The following LSAMP variants were observed in gnomAD, a reference collection of about 807,000 sequenced individuals.
LSAMP encodes the protein limbic system-associated membrane protein.
LSAMP carries 7 observed loss-of-function variants against 38.6 expected under a neutral mutation model. The ratio of observed to expected loss-of-function variants is 0.18; its 90% confidence interval spans 0.10 to 0.34. The LOEUF (loss-of-function observed/expected upper bound fraction) is 0.34. LSAMP is among the 10% of genes least tolerant of loss of function. The pLI is 1.00. For synonymous variants in LSAMP, 154 were observed against 166.8 expected, an observed-to-expected ratio of 0.92 and a Z score of 0.59; for missense variants, 313 against 420.0, an observed-to-expected ratio of 0.75 and a Z score of 2.23.
At chr3:116,389,926 C>T (rs2048670760) in intron 1 of LSAMP, among the ~76,000 whole-genome samples, 1 of 151,824 alleles carries the variant, frequency 6.6e-6, no homozygotes, top group Admixed American at 6.6e-5. Context: ...ATGAGCACTC[C>T]CATAATTAAC....
intron 1 of LSAMP, among the ~76,000 whole-genome samples, chr3:116,336,181 A>G (rs745992532): frequency 1.3e-5 from 2 of 151,986 alleles, no homozygotes; most frequent in Non-Finnish European, 2.9e-5. Context: ...TAGGACAAAA[A>G]CTTCACAACA....
At chr3:116,033,041 A>G (rs765506261) in intron 2 of LSAMP, among the ~76,000 whole-genome samples, 1 of 152,166 alleles carries the variant, frequency 6.6e-6, no homozygotes, top group Non-Finnish European at 1.5e-5. Flanking sequence ...CTAAGATTAC[A>G]TGGTTAAGGA....
chr3:116,225,307 G>A (rs1391625095), intron 1 of LSAMP, among the ~76,000 whole-genome samples: 2 of 152,074 alleles, frequency 1.3e-5, no homozygotes, highest in African/African-American at 4.8e-5. Flanking sequence ...ATTTTAAACC[G>A]AGGTTGAGAT....
chr3:116,322,144 A>G (rs533062192), intron 1 of LSAMP, among the ~76,000 whole-genome samples: 4 of 152,312 alleles, frequency 2.6e-5, no homozygotes, highest in Non-Finnish European at 5.9e-5. Context: ...GGGTCAGGAG[A>G]ATACTTCCCT....
chr3:115,958,566 G>A (rs1938527679), intron 3 of LSAMP, among the ~76,000 whole-genome samples: 2 of 152,112 alleles, frequency 1.3e-5, no homozygotes, highest in African/African-American at 4.8e-5. Context: ...CTTGCCCGAA[G>A]GTCAGCCAGC....
intron 3 of LSAMP, among the ~76,000 whole-genome samples, chr3:115,910,859 G>C (rs6810185): frequency 0.02 from 2,983 of 152,244 alleles, 95 homozygotes; most frequent in African/African-American, 0.069. Context: ...CCAGGTTGCT[G>C]CATCTGTCAG....
intron 1 of LSAMP, among the ~76,000 whole-genome samples, chr3:116,103,464 CAA>C (rs59732794): frequency 0.099 from 4,188 of 42,276 alleles, 71 homozygotes; most frequent in African/African-American, 0.28. Flanking sequence ...GACTCCTTCT[CAA>C]AAAAAAAAAA....
At chr3:116,030,169 C>G (rs1940887601) in intron 2 of LSAMP, among the ~76,000 whole-genome samples, 1 of 152,060 alleles carries the variant, frequency 6.6e-6, no homozygotes, top group Admixed American at 6.6e-5. Context: ...TGAAATTTTT[C>G]TATATGTATT....
intron 3 of LSAMP, among the ~76,000 whole-genome samples, chr3:115,962,676 G>A (rs1255085121): frequency 6.6e-6 from 1 of 152,186 alleles, no homozygotes; most frequent in Non-Finnish European, 1.5e-5. Flanking sequence ...CAACTTTTAG[G>A]TTACTCCTTG....
At chr3:116,162,768 TACACACACACACAC>T (rs71141856) in intron 1 of LSAMP, among the ~76,000 whole-genome samples, 3 of 147,324 alleles carry the variant, frequency 2.0e-5, no homozygotes, top group Non-Finnish European at 3.0e-5. Context: ...CACACACTTA[TACACACACACACAC>T]ACACACACAC....
chr3:116,070,959 G>A (rs1041486320), intron 2 of LSAMP, among the ~76,000 whole-genome samples: 7 of 151,894 alleles, frequency 4.6e-5, no homozygotes, highest in Non-Finnish European at 1.0e-4. Flanking sequence ...AGAATCGCTT[G>A]AACCCTGGAG....
intron 2 of LSAMP, among the ~76,000 whole-genome samples, chr3:116,068,729 C>T (rs1000877348): frequency 6.6e-6 from 1 of 152,164 alleles, no homozygotes. Flanking sequence ...TGATTGCATC[C>T]TCTCCTGTGA....
At chr3:116,113,023 C>T (rs1394560138) in intron 1 of LSAMP, among the ~76,000 whole-genome samples, 1 of 150,592 alleles carries the variant, frequency 6.6e-6, no homozygotes, top group Non-Finnish European at 1.5e-5. Context: ...AATGTATCTA[C>T]AACAAATAAT....
intron 6 of LSAMP, among the ~76,000 whole-genome samples, chr3:115,823,393 G>T (rs1161944018): frequency 6.6e-6 from 1 of 152,204 alleles, no homozygotes; most frequent in Admixed American, 6.5e-5. Context: ...GCTTCTGAGA[G>T]CATGGAAAAA....
chr3:115,943,790 C>T (rs182706444), intron 3 of LSAMP, among the ~76,000 whole-genome samples: 358 of 152,276 alleles, frequency 2.4e-3, no homozygotes, highest in African/African-American at 8.3e-3. Flanking sequence ...TGGTAGGACC[C>T]TGGGTTATGA....
chr3:115,913,560 G>A (rs768777995), intron 3 of LSAMP, among the ~76,000 whole-genome samples: 10 of 152,268 alleles, frequency 6.6e-5, no homozygotes, highest in Non-Finnish European at 1.2e-4. Flanking sequence ...AGGGTGTACA[G>A]GTATTTTAGG....
At chr3:116,267,173 G>A (rs1302707177) in intron 1 of LSAMP, among the ~76,000 whole-genome samples, 1 of 151,838 alleles carries the variant, frequency 6.6e-6, no homozygotes, top group East Asian at 1.9e-4. Context: ...TTTTGAAGTT[G>A]GCGCCACTTG....
chr3:116,401,929 T>C (rs2048846096), intron 1 of LSAMP, among the ~76,000 whole-genome samples: 2 of 152,184 alleles, frequency 1.3e-5, no homozygotes, highest in Non-Finnish European at 2.9e-5. Context: ...AGTACACTAG[T>C]AGGTAGTATT....
At chr3:116,186,403 A>T (rs1710618161) in intron 1 of LSAMP, among the ~76,000 whole-genome samples, 1 of 152,140 alleles carries the variant, frequency 6.6e-6, no homozygotes, top group Non-Finnish European at 1.5e-5. Context: ...CTTGAGTGAT[A>T]CAGGGTACAT....
Sources: gnomAD v4.1 joint callset for allele counts (sites outside exome capture counted in the v4.1 genomes callset) on GRCh38, gnomAD v4.1.1 for gene constraint, MANE v1.5 for transcripts, NCBI Gene and HGNC (gene_info 2026-07-23, HGNC 2026-07-21) for gene names.